Variants in GBP6 observed in about 807,000 individuals in gnomAD.
The protein encoded by GBP6 is guanylate binding protein family member 6, also known as guanylate-binding protein 6.
In GBP6, 54 loss-of-function variants were observed where a neutral mutation model predicts 61.5. That is an observed-to-expected ratio of 0.88 (90% CI 0.71 to 1.10). GBP6 has a LOEUF of 1.10. GBP6 is among the 50% of genes least tolerant of loss of function. GBP6 has a pLI of 0.00. For synonymous variants in GBP6, 255 were observed against 273.7 expected (o/e 0.93, Z 0.67); for missense variants, 748 against 752.8 (o/e 0.99, Z 0.07).
At chr1:89,371,693 C>G (rs893973310) in intron 3 of GBP6, among the ~76,000 whole-genome samples, 12 of 152,134 alleles carry the variant, frequency 7.9e-5, no homozygotes, top group Non-Finnish European at 4.4e-5. Flanking sequence ...TATGTCAAAC[C>G]CACAGCCAAT....
intron 3 of GBP6, among the ~76,000 whole-genome samples, chr1:89,377,879 A>AGTTTTC (rs1386955234): frequency 6.6e-6 from 1 of 152,188 alleles, no homozygotes; most frequent in Non-Finnish European, 1.5e-5. Context: ...TATTTCATCC[A>AGTTTTC]ACTGAGGAAA....
rs764797477 is a variant in GBP6 at position 89,381,949 on chromosome 1, A to G, written c.1127A>G (p.Asn376Ser). 1.2e-6 allele frequency: 2 copies of G among 1,610,402 alleles called. No homozygotes were observed. The highest frequency in any genetic ancestry group is 2.2e-5 in the South Asian group (2 of 90,924). ...IFMEHSFKDENQEFQKKFMET... is the reference protein window; with the variant it reads ...IFMEHSFKDESQEFQKKFMET... The stretch of plus-strand genomic sequence containing the variant: ...ATGGAGCACTCCTTCAAGGATGAAA[A>G]TCAGGAATTCCAGAAGAAGTTCATG... Residue 376 changes from asparagine (N) to serine (S), a missense_variant, in exon 7 of 11, where the codon AAT becomes AGT. Coordinates refer to ENST00000370456, the MANE Select transcript of GBP6 (RefSeq NM_198460.3).
intron 5 of GBP6, among the ~76,000 whole-genome samples, chr1:89,380,147 A>G (rs1296787688): frequency 6.6e-6 from 1 of 152,218 alleles, no homozygotes; most frequent in Non-Finnish European, 1.5e-5. Flanking sequence ...CGAAAAAACA[A>G]AACAATACAA....
At chr1:89,368,199 C>T (rs1316114243) in intron 1 of GBP6, among the ~76,000 whole-genome samples, 3 of 152,166 alleles carry the variant, frequency 2.0e-5, no homozygotes, top group Non-Finnish European at 2.9e-5. Context: ...TAATAATCTA[C>T]AACTTGCAGA....
At chr1:89,375,795 G>GT (rs565758916) in intron 3 of GBP6, among the ~76,000 whole-genome samples, 255 of 152,172 alleles carry the variant, frequency 1.7e-3, no homozygotes, top group African/African-American at 5.7e-3. Context: ...TTTGTCACCT[G>GT]TGCTTTCGGT....
chr1:89,367,532 G>A (rs1652497615), intron 1 of GBP6, among the ~76,000 whole-genome samples: 1 of 152,092 alleles, frequency 6.6e-6, no homozygotes, highest in Non-Finnish European at 1.5e-5. Context: ...TTGCTATTGA[G>A]TTTTAGGAGT....
In GBP6 at chr1:89,381,939, A is replaced by G; in HGVS notation, c.1117A>G (p.Lys373Glu). Reference sequence around the variant, plus strand: ...TGCAATCTTCATGGAGCACTCCTTCAAGGATGAAAATCAGGAATTCCAGAA... The same window carrying G: ...TGCAATCTTCATGGAGCACTCCTTCGAGGATGAAAATCAGGAATTCCAGAA... Reference protein sequence around the residue: ...AIAIFMEHSFKDENQEFQKKF... With the variant: ...AIAIFMEHSFEDENQEFQKKF... The change falls in exon 7 of 11, where the codon AAG (lysine) becomes GAG (glutamate). Residue 373 changes from lysine (K) to glutamate (E), a missense_variant. Transcript: ENST00000370456. The G allele has an allele frequency of 6.2e-7, 1 of 1,611,954 alleles. No individual in the cohort carries two copies. Among genetic ancestry groups the G allele is most frequent in the Non-Finnish European group, 8.5e-7 (1 of 1,178,312 alleles).
intron 10 of GBP6, 61 bp from the exon 11 acceptor site, chr1:89,385,169 T>A: frequency 6.9e-7 from 1 of 1,450,246 alleles, no homozygotes; most frequent in East Asian, 2.3e-5. Context: ...AAATACAAAA[T>A]GTAAGTCTTA....
In GBP6 at chr1:89,385,342, G is replaced by A. The variant is rs1653106542; in HGVS notation, c.1775G>A (p.Trp592Ter). The A allele has an allele frequency of 5.0e-6, 8 of 1,614,010 alleles. No homozygotes were observed. The highest frequency in any genetic ancestry group is 3.3e-5 in the Admixed American group (2 of 60,000). Residue 592 changes from tryptophan to a stop codon, truncating the protein, a stop_gained, in exon 11 of 11, where the codon TGG becomes TAG. Coordinates refer to ENST00000370456, the MANE Select transcript of GBP6 (RefSeq NM_198460.3). LOFTEE classifies it low-confidence loss of function (END_TRUNC). ...IDTTKNDDTP[W>*]IARTLDNLAD... ...ACTACAAAAAATGATGATACTCCCT[G>A]GATTGCACGAACCTTGGACAACCTT...
intron 10 of GBP6, 68 bp from the exon 11 acceptor site, chr1:89,385,162 T>C: frequency 7.1e-7 from 1 of 1,406,098 alleles, no homozygotes; most frequent in Non-Finnish European, 9.7e-7. Flanking sequence ...AGGTTTTAAA[T>C]ACAAAATGTA....
Position 89,384,130 on chromosome 1 carries a change from G to A in GBP6, c.1506G>A (p.Gln502=), listed in dbSNP as rs779354432. The change falls in exon 10 of 11, where the codon CAG becomes CAA. Residue 502 remains glutamine, a synonymous_variant. Transcript: ENST00000370456. The stretch of plus-strand genomic sequence containing the variant: ...AGAAGGAGGCAGCTGAGAAGGAACA[G>A]GAACTTTTAAAACAGAAATTACAGG... ...RAKKEAAEKE[Q]ELLKQKLQEQ... The A allele has an allele frequency of 9.7e-5, 156 of 1,613,900 alleles. No homozygotes were observed. The highest frequency in any genetic ancestry group is 1.3e-4 in the Non-Finnish European group (151 of 1,179,974).
chr1:89,383,550 A>G, intron 8 of GBP6, 102 bp from the exon 9 acceptor site: 1 of 826,422 alleles, frequency 1.2e-6, no homozygotes, highest in Non-Finnish European at 2.0e-6. Flanking sequence ...TTAGAATTTT[A>G]GGCATAAAGC....
At chr1:89,383,442 T>A (rs1228717442) in intron 8 of GBP6, among the ~76,000 whole-genome samples, 1 of 152,086 alleles carries the variant, frequency 6.6e-6, no homozygotes, top group African/African-American at 2.4e-5. Context: ...AGGGAGATAT[T>A]ACAGCAGTGG....
At position 89,380,640 on chromosome 1, in the gene GBP6, C is replaced by T; in HGVS notation, c.871+9C>T. 1 of 1,611,114 alleles carries T rather than the reference C, an allele frequency of 6.2e-7. No individual in the cohort carries two copies. Among genetic ancestry groups the T allele is most frequent in the Non-Finnish European group, 8.5e-7 (1 of 1,178,226 alleles). ...CACAGTCACTGGGAATCGTGAGTCT[C>T]CTTTTTACTTTTCTGTGGGGCCTCA... is the stretch of plus-strand genomic sequence containing the variant. On this transcript the variant is annotated intron_variant, in intron 6 of 10. Coordinates refer to ENST00000370456, the MANE Select transcript of GBP6 (RefSeq NM_198460.3).
At chr1:89,376,395 G>C (rs917915300) in intron 3 of GBP6, among the ~76,000 whole-genome samples, 1 of 152,150 alleles carries the variant, frequency 6.6e-6, no homozygotes, top group Non-Finnish European at 1.5e-5. Context: ...TGTATGGTGT[G>C]CAATAGGATC....
chr1:89,378,028 G>A, intron 3 of GBP6, 75 bp from the exon 4 acceptor site: 1 of 1,330,486 alleles, frequency 7.5e-7, no homozygotes, highest in Non-Finnish European at 1.1e-6. Flanking sequence ...ATAAGTGAAA[G>A]ACTGACAAAA....
At chr1:89,380,798 A>G (rs979854962) in intron 6 of GBP6, among the ~76,000 whole-genome samples, 167 bp downstream of exon 6, 3 of 152,198 alleles carry the variant, frequency 2.0e-5, no homozygotes, top group Admixed American at 2.0e-4. Flanking sequence ...GCAATTTACA[A>G]ATTCCTCTCC....
At position 89,382,687 on chromosome 1, in the gene GBP6, G is replaced by A. The variant is rs372567088; in HGVS notation, c.1176G>A (p.Gly392=). ...KFMETTMNKK[G]DFLLQNEESS... The stretch of plus-strand genomic sequence containing the variant: ...AGGAAACCACAATGAATAAGAAGGG[G>A]GATTTCTTGCTGCAGAATGAAGAGT... The change falls in exon 8 of 11, where the codon GGG becomes GGA. Residue 392 remains glycine (G), a synonymous_variant. Coordinates refer to ENST00000370456, the MANE Select transcript of GBP6 (RefSeq NM_198460.3). 2.3e-4 allele frequency: 379 copies of A among 1,613,928 alleles called. No homozygotes were observed. The highest frequency in any genetic ancestry group is 2.9e-4 in the Non-Finnish European group (340 of 1,179,962).
rs570244139 is a variant in GBP6, at chr1:89,372,305, A to G, written c.318+2632A>G. 7.0e-4 allele frequency among the ~76,000 whole-genome samples: 35 copies of G among 49,684 alleles called. 2 individuals carry two copies. The South Asian group carries it at 0.016, about 23-fold the overall frequency. 32.6% of individuals were successfully genotyped at this position (49,684 alleles called of 152,430 possible). A position where few individuals can be genotyped will look rare whatever the true frequency, so the allele number is the denominator to read the frequency against. ...CCAATGACTTTCTTCAGAGAATTGG[A>G]AAAACTACTTTAAAGTTCATATGGA... On this transcript the variant is annotated intron_variant, in intron 3 of 10. Coordinates refer to ENST00000370456, the MANE Select transcript of GBP6 (RefSeq NM_198460.3).
Sources: allele counts gnomAD v4.1 joint callset (sites outside exome capture counted in the v4.1 genomes callset), GRCh38; gene constraint gnomAD v4.1.1; transcripts MANE v1.5; gene names NCBI Gene and HGNC (gene_info 2026-07-23, HGNC 2026-07-21).